Variants in NICN1 observed in about 807,000 individuals in gnomAD.
The protein encoded by NICN1 is nicolin 1, tubulin polyglutamylase complex subunit, also known as nicolin-1.
In NICN1, 18 loss-of-function variants were observed where a neutral mutation model predicts 26.3. The observed-to-expected ratio is 0.68, with a 90% CI of 0.47 to 1.01. The LOEUF (loss-of-function observed/expected upper bound fraction) is 1.01. NICN1 is among the 50% of genes least tolerant of loss of function. The pLI, the probability that NICN1 is intolerant of heterozygous loss-of-function variation, is 0.00. For synonymous variants in NICN1, 109 were observed against 111.0 expected, an observed-to-expected ratio of 0.98 and a Z score of 0.11; for missense variants, 239 against 278.3, an observed-to-expected ratio of 0.86 and a Z score of 1.00.
At chr3:49,427,876 C>G (rs897996981) in intron 1 of NICN1, among the ~76,000 whole-genome samples, 1 of 152,046 alleles carries the variant, frequency 6.6e-6, no homozygotes, top group Non-Finnish European at 1.5e-5. Flanking sequence ...AGGTTGGGCT[C>G]TTTAATTAAG....
chr3:49,422,572 C>T lies in NICN1; in HGVS notation c.*2261G>A, dbSNP rs765489264. 7 of 1,096,426 alleles carry T rather than the reference C, an allele frequency of 6.4e-6. No homozygotes were observed. Among genetic ancestry groups the T allele is most frequent in the Admixed American group, 2.0e-5 (1 of 50,482 alleles). 67.9% of individuals were successfully genotyped at this position (1,096,426 alleles called of 1,614,324 possible). A position where few individuals can be genotyped will look rare whatever the true frequency, so the allele number is the denominator to read the frequency against. On this transcript the variant is annotated 3_prime_UTR_variant, in exon 6 of 6. Coordinates refer to ENST00000273598, the MANE Select transcript of NICN1 (RefSeq NM_032316.3). Reference sequence around the variant, plus strand: ...TCCGGAGCAAAGGATCTGAAGGGGGCGTGGGCAGCCCCAAGGGCAGGCTGG... The same window carrying T: ...TCCGGAGCAAAGGATCTGAAGGGGGTGTGGGCAGCCCCAAGGGCAGGCTGG...
intron 1 of NICN1, among the ~76,000 whole-genome samples, chr3:49,427,302 G>A (rs1465802296): frequency 6.9e-6 from 1 of 144,010 alleles, no homozygotes; most frequent in African/African-American, 2.6e-5. Context: ...GCCTGGGCGC[G>A]ACAGAGCAAG....
At position 49,423,993 on chromosome 3, in the gene NICN1, GT is replaced by G. The variant is rs2049147534; in HGVS notation, c.*839del. 1 of 152,192 alleles carries G rather than the reference GT, an allele frequency of 6.6e-6. No homozygotes were observed. Among genetic ancestry groups the G allele is most frequent in the Non-Finnish European group, 1.5e-5 (1 of 68,122 alleles). 9.4% of individuals were successfully genotyped at this position (152,192 alleles called of 1,614,324 possible). Reference sequence around the variant, plus strand: ...GCCTCCCAAGTAGCTGGGATTACAGGTGCCTACCACCACGCCCAGCTAATTT... The same window carrying G: ...GCCTCCCAAGTAGCTGGGATTACAGGGCCTACCACCACGCCCAGCTAATTT... On this transcript the variant is annotated 3_prime_UTR_variant, in exon 6 of 6. Transcript: ENST00000273598.
rs2049198530 is a variant in NICN1 at position 49,429,133 on chromosome 3, G to A, written c.107C>T (p.Thr36Ile). The A allele has an allele frequency of 6.2e-7, 1 of 1,610,644 alleles. No individual in the cohort carries two copies. Among genetic ancestry groups the A allele is most frequent in the African/African-American group, 1.3e-5 (1 of 74,764 alleles). The change falls in exon 1 of 6, where the codon ACC becomes ATC. Residue 36 changes from threonine (T) to isoleucine (I), a missense_variant. Thr to Ile is a moderately conservative substitution (Grantham distance 89). Coordinates refer to ENST00000273598, the MANE Select transcript of NICN1 (RefSeq NM_032316.3). The stretch of plus-strand genomic sequence containing the variant: ...CTCGAAGGGAGCGACGCTGGGGAAG[G>A]TGACATCGATGACCAGCACGCCAGG... ...GRPGVLVIDV[T>I]FPSVAPFELQ...
Position 49,425,988 on chromosome 3 carries a change from A to G in NICN1, c.318T>C (p.Cys106=). Residue 106 remains cysteine (C), a synonymous_variant, in exon 3 of 6, where the codon TGT becomes TGC. Transcript: ENST00000273598. ...YVSLFKHQML[C]DMARISELRL... ...GTAGCTCCGATATTCTAGCCATGTC[A>G]CACAGCATCTGACACACACACACAA... 6.2e-7 allele frequency: 1 copy of G among 1,601,174 alleles called. No individual in the cohort carries two copies. Among genetic ancestry groups the G allele is most frequent in the South Asian group, 1.1e-5 (1 of 90,652 alleles).
At position 49,424,824 on chromosome 3, in the gene NICN1, A is replaced by G. The variant is rs768895499; in HGVS notation, c.*9T>C. 11 of 1,613,270 alleles carry G rather than the reference A, an allele frequency of 6.8e-6. No individual in the cohort carries two copies. The South Asian group carries it at 1.2e-4, about 18-fold the overall frequency. On this transcript the variant is annotated 3_prime_UTR_variant, in exon 6 of 6. Coordinates refer to ENST00000273598, the MANE Select transcript of NICN1 (RefSeq NM_032316.3). ...CAGAAAGGCCAACATCTTGGCTAGGAGCAACCATTCAAGTGTAGGAGAGCA... is the reference window on the plus strand; with the variant it reads ...CAGAAAGGCCAACATCTTGGCTAGGGGCAACCATTCAAGTGTAGGAGAGCA...
At position 49,425,986 on chromosome 3, in the gene NICN1, T is replaced by C; in HGVS notation, c.320A>G (p.Asp107Gly). ...GCGTAGCTCCGATATTCTAGCCATGTCACACAGCATCTGACACACACACAC... is the reference window on the plus strand; with the variant it reads ...GCGTAGCTCCGATATTCTAGCCATGCCACACAGCATCTGACACACACACAC... Reference protein sequence around the residue: ...VSLFKHQMLCDMARISELRLI... With the variant: ...VSLFKHQMLCGMARISELRLI... The change falls in exon 3 of 6, where the codon GAC becomes GGC. Residue 107 changes from aspartate (D) to glycine (G), a missense_variant. By Grantham distance (94) the Asp-to-Gly change is moderately conservative. Transcript: ENST00000273598. 1 of 1,600,504 alleles carries C rather than the reference T, an allele frequency of 6.2e-7. No homozygotes were observed. The highest frequency in any genetic ancestry group is 1.1e-5 in the South Asian group (1 of 90,646).
chr3:49,426,142 C>T, intron 2 of NICN1, 110 bp downstream of exon 2: 1 of 1,237,728 alleles, frequency 8.1e-7, no homozygotes, highest in African/African-American at 1.5e-5. Flanking sequence ...CTGGAAGTCA[C>T]AGTTCAGGCC....
intron 1 of NICN1, among the ~76,000 whole-genome samples, chr3:49,427,334 AAAAG>A (rs1422044188): frequency 1.3e-5 from 2 of 151,606 alleles, no homozygotes; most frequent in Non-Finnish European, 2.9e-5. Context: ...AAAAAAAAAA[AAAAG>A]AGATGTAGAA....
chr3:49,426,066 G>A (rs1288457207), intron 2 of NICN1, 70 bp from the exon 3 acceptor site: 11 of 1,185,786 alleles, frequency 9.3e-6, no homozygotes, highest in Non-Finnish European at 1.4e-5. Flanking sequence ...CCAGCAATGA[G>A]CCAGAATGCT....
chr3:49,424,954 A>C lies in NICN1; in HGVS notation c.595T>G (p.Phe199Val), dbSNP rs1247555893. 6.2e-7 allele frequency: 1 copy of C among 1,614,102 alleles called. No individual in the cohort carries two copies. Among genetic ancestry groups the C allele is most frequent in the South Asian group, 1.1e-5 (1 of 91,086 alleles). Residue 199 changes from phenylalanine to valine, a missense_variant, in exon 5 of 6, where the codon TTT (phenylalanine) becomes GTT (valine). Coordinates refer to ENST00000273598, the MANE Select transcript of NICN1 (RefSeq NM_032316.3). ...ASHTSARIGR[F>V]DVDGCYDLNL... ...AGAAGGAAGCGATTACTTACATCAA[A>C]GCGGCCGATCCTTGCGGAGGTGTGA... is the stretch of plus-strand genomic sequence containing the variant.
chr3:49,429,061 GTCGGCCCCGCCCGGGAGCC>G, intron 1 of NICN1, 28 bp downstream of exon 1: 1 of 1,535,184 alleles, frequency 6.5e-7, no homozygotes, highest in Non-Finnish European at 8.8e-7. Flanking sequence ...GAGATTCCAG[GTCGGCCCCGCCCGGGAGCC>G]TCGGTCGCGC....
chr3:49,425,109 G>A, intron 4 of NICN1, 56 bp from the exon 5 acceptor site: 1 of 1,479,818 alleles, frequency 6.8e-7, no homozygotes, highest in Non-Finnish European at 9.4e-7. Context: ...GTGCCCTTCA[G>A]GCTCCAGAGA....
chr3:49,427,080 C>T (rs1027599206), intron 1 of NICN1, among the ~76,000 whole-genome samples: 8 of 151,836 alleles, frequency 5.3e-5, no homozygotes, highest in South Asian at 2.1e-4. Context: ...CCAGCACTTT[C>T]GGAGGCCGAG....
At position 49,426,377 on chromosome 3, in the gene NICN1, C is replaced by A; in HGVS notation, c.184G>T (p.Val62Phe). 1 of 1,614,182 alleles carries A rather than the reference C, an allele frequency of 6.2e-7. No individual in the cohort carries two copies. The highest frequency in any genetic ancestry group is 1.1e-5 in the South Asian group (1 of 91,086). ...NYYTAFLSIR[V>F]RQYTSAHTPA... ...GTGTGTGCTGAGGTGTACTGACGGA[C>A]ACGGATGCTCAAAAAAGCTGTGTAG... Residue 62 changes from valine to phenylalanine, a missense_variant, in exon 2 of 6, where the codon GTC becomes TTC. By Grantham distance (50) the Val-to-Phe change is conservative. Transcript: ENST00000273598.
intron 1 of NICN1, among the ~76,000 whole-genome samples, chr3:49,427,644 GA>G (rs58773326): frequency 0.66 from 67,934 of 102,568 alleles, 21,555 homozygotes; most frequent in East Asian, 0.95. Context: ...CTACCTCTCA[GA>G]AAAAAAAAAA....
At chr3:49,425,521 A>G (rs186289209) in intron 3 of NICN1, 83 bp from the exon 4 acceptor site, 13 of 1,174,508 alleles carry the variant, frequency 1.1e-5, no homozygotes, top group South Asian at 1.5e-5. Context: ...GAGCAGAGAG[A>G]AGGGCCGCTG....
In NICN1 at chr3:49,424,493, C is replaced by T; in HGVS notation, c.*340G>A. The T allele has an allele frequency of 2.1e-6, 1 of 479,336 alleles. No individual in the cohort carries two copies. Among genetic ancestry groups the T allele is most frequent in the Non-Finnish European group, 3.8e-6 (1 of 262,996 alleles). 29.7% of individuals were successfully genotyped at this position (479,336 alleles called of 1,614,324 possible). A position where few individuals can be genotyped will look rare whatever the true frequency, so the allele number is the denominator to read the frequency against. ...TTAGTAGGTCAGCCCAGCCCAACTG[C>T]ACTGACATGAGGGAGCAGGCAGAAG... On this transcript the variant is annotated 3_prime_UTR_variant, in exon 6 of 6. Coordinates refer to ENST00000273598, the MANE Select transcript of NICN1 (RefSeq NM_032316.3).
In NICN1 at chr3:49,424,635, A is replaced by C; in HGVS notation, c.*198T>G. On this transcript the variant is annotated 3_prime_UTR_variant, in exon 6 of 6. Transcript: ENST00000273598. ...AATTGAGTTGCAGCCAGGCGAAGACAGAGCACCCCCATGCCAGGAGCTCAT... is the reference window on the plus strand; with the variant it reads ...AATTGAGTTGCAGCCAGGCGAAGACCGAGCACCCCCATGCCAGGAGCTCAT... 1 of 618,518 alleles carries C rather than the reference A, an allele frequency of 1.6e-6. No homozygotes were observed. Among genetic ancestry groups the C allele is most frequent in the Non-Finnish European group, 2.9e-6 (1 of 346,370 alleles). The allele number at this position is 618,518 out of a possible 1,614,324, so 38.3% of individuals were successfully genotyped here.
Sources: gnomAD v4.1 joint callset for allele counts (sites outside exome capture counted in the v4.1 genomes callset) on GRCh38, gnomAD v4.1.1 for gene constraint, MANE v1.5 for transcripts, NCBI Gene and HGNC (gene_info 2026-07-23, HGNC 2026-07-21) for gene names.